INTS8: variants seen among roughly 807,000 people sequenced by gnomAD.
INTS8 encodes protein kaonashi-1.
A neutral mutation model predicts 138.9 loss-of-function variants in INTS8; 47 were observed. The observed-to-expected ratio is 0.34, with a 90% CI of 0.27 to 0.43. INTS8 has a LOEUF of 0.43. Ranked by LOEUF, INTS8 falls within the 20% of genes least tolerant of loss-of-function variation. The pLI, the probability that INTS8 is intolerant of heterozygous loss-of-function variation, is 1.00. For missense variants in INTS8, 996 were observed against 1,173.0 expected (o/e 0.85, Z 2.20); for synonymous variants, 392 against 400.9 (o/e 0.98, Z 0.27).
chr8:94,826,823 A>C (rs918749756), intron 2 of INTS8, among the ~76,000 whole-genome samples: 2 of 152,140 alleles, frequency 1.3e-5, no homozygotes, highest in Non-Finnish European at 2.9e-5. Context: ...TTTCGCATTT[A>C]AGCCGGGCAC....
intron 5 of INTS8, among the ~76,000 whole-genome samples, chr8:94,829,746 G>A (rs1238241046): frequency 1.3e-5 from 2 of 152,128 alleles, no homozygotes; most frequent in South Asian, 4.1e-4. Context: ...TTTAATAGTA[G>A]AGTACTACTG....
At position 94,832,130 on chromosome 8, in the gene INTS8, TCTA is replaced by T. The variant is rs777500986; in HGVS notation, c.712_714del (p.Thr238del). 2.3e-5 allele frequency: 37 copies of T among 1,613,394 alleles called. No individual in the cohort carries two copies. The highest frequency in any genetic ancestry group is 3.0e-5 in the Non-Finnish European group (35 of 1,179,874). On this transcript the variant is annotated inframe_deletion, in exon 6 of 27. Coordinates refer to ENST00000523731, the MANE Select transcript of INTS8 (RefSeq NM_017864.4). Reference sequence around the variant, plus strand: ...CATGGTAAATGGAGAAACTGAGAGTTCTACTGCTGGATTGAAAGTCAAAACCGA... The same window carrying T: ...CATGGTAAATGGAGAAACTGAGAGTTCTGCTGGATTGAAAGTCAAAACCGA...
chr8:94,843,460 G>A (rs1815212878), intron 10 of INTS8, among the ~76,000 whole-genome samples: 3 of 152,066 alleles, frequency 2.0e-5, no homozygotes. Context: ...CCAGCTACTT[G>A]GGAGGCTGAG....
At chr8:94,862,526 A>G (rs1816029359) in intron 16 of INTS8, among the ~76,000 whole-genome samples, 1 of 152,216 alleles carries the variant, frequency 6.6e-6, no homozygotes, top group Non-Finnish European at 1.5e-5. Context: ...GAGGGTCTGC[A>G]ATGTGTAAGG....
At chr8:94,829,399 G>A (rs540815603) in intron 5 of INTS8, among the ~76,000 whole-genome samples, 18 of 152,016 alleles carry the variant, frequency 1.2e-4, no homozygotes, top group East Asian at 3.9e-4. Flanking sequence ...GATCCCTCGC[G>A]TGTGTAGTTC....
chr8:94,881,734 A>G lies in INTS8; in HGVS notation c.*1500A>G. Reference sequence around the variant, plus strand: ...CCCCTTTTCTGAAGGTGTTTATGTAATTTACTTCCTCCTATACATGGGAAG... The same window carrying G: ...CCCCTTTTCTGAAGGTGTTTATGTAGTTTACTTCCTCCTATACATGGGAAG... On this transcript the variant is annotated 3_prime_UTR_variant, in exon 27 of 27. Coordinates refer to ENST00000523731, the MANE Select transcript of INTS8 (RefSeq NM_017864.4). The G allele has an allele frequency of 1.9e-6, 3 of 1,613,790 alleles. No homozygotes were observed. Among genetic ancestry groups the G allele is most frequent in the Non-Finnish European group, 2.5e-6 (3 of 1,179,830 alleles).
In INTS8 at chr8:94,852,793, G is replaced by A. The variant is rs531161006; in HGVS notation, c.1642-1012G>A. ...TAGTAGATACGGGTTTCTCCATGTTGTTCTCCATGTTGGTCAGGCTGGTCT... is the reference window on the plus strand; with the variant it reads ...TAGTAGATACGGGTTTCTCCATGTTATTCTCCATGTTGGTCAGGCTGGTCT... On this transcript the variant is annotated intron_variant, in intron 13 of 26. Transcript: ENST00000523731. Among the ~76,000 whole-genome samples the A allele has an allele frequency of 2.3e-3, 354 of 151,914 alleles. 1 individual carries two copies. Among genetic ancestry groups the A allele is most frequent in the African/African-American group, 8.1e-3 (337 of 41,444 alleles).
intron 6 of INTS8, 124 bp downstream of exon 6, chr8:94,832,298 A>T (rs1814749589): frequency 1.5e-6 from 1 of 663,810 alleles, no homozygotes; most frequent in South Asian, 2.0e-5. Context: ...TTAAAACTGC[A>T]TTGTATTTAA....
intron 14 of INTS8, among the ~76,000 whole-genome samples, chr8:94,856,155 G>A (rs1411740091): frequency 2.6e-5 from 4 of 152,232 alleles, no homozygotes; most frequent in Non-Finnish European, 5.9e-5. Flanking sequence ...CTGAGTTGAA[G>A]CCCCTAATTC....
At position 94,832,287 on chromosome 8, in the gene INTS8, A is replaced by G. The variant is rs544919905; in HGVS notation, c.753+113A>G. 135 of 722,660 alleles carry G rather than the reference A, an allele frequency of 1.9e-4. 1 individual carries two copies. The South Asian group carries it at 2.0e-3, about 11-fold the overall frequency. The allele number at this position is 722,660 out of a possible 1,614,324, so 44.8% of individuals were successfully genotyped here. A position where few individuals can be genotyped will look rare whatever the true frequency, so the allele number is the denominator to read the frequency against. On this transcript the variant is annotated intron_variant, in intron 6 of 26. Transcript: ENST00000523731. ...TTCTGCCTTTGTCTCTTAAGATGCTATTAAAACTGCATTGTATTTAATTTA... is the reference window on the plus strand; with the variant it reads ...TTCTGCCTTTGTCTCTTAAGATGCTGTTAAAACTGCATTGTATTTAATTTA...
At chr8:94,863,164 G>A (rs111922816) in intron 16 of INTS8, among the ~76,000 whole-genome samples, 2,330 of 152,292 alleles carry the variant, frequency 0.015, 60 homozygotes, top group African/African-American at 0.053. Context: ...GGTAGTAGTG[G>A]GGGGTTGGCA....
chr8:94,857,082 T>C (rs1815777236), intron 15 of INTS8, 104 bp downstream of exon 15: 1 of 946,774 alleles, frequency 1.1e-6, no homozygotes. Context: ...TTTTTTTTTT[T>C]TTTTTTTTGA....
At chr8:94,846,123 G>A (rs1452509957) in intron 10 of INTS8, among the ~76,000 whole-genome samples, 2 of 152,014 alleles carry the variant, frequency 1.3e-5, no homozygotes, top group Non-Finnish European at 2.9e-5. Context: ...TTGATACAGA[G>A]GTATAATTTA....
chr8:94,853,872 T>G lies in INTS8; in HGVS notation c.1709T>G (p.Val570Gly). Residue 570 changes from valine to glycine, a missense_variant, in exon 14 of 27, where the codon GTT (valine) becomes GGT (glycine). Transcript: ENST00000523731. ...AAAGACAATTTAACAAGAGATTTGG[T>G]TTATATTCTTATGGCCAAAGGTTTG... ...GIKDNLTRDL[V>G]YILMAKGLHC... is the part of the protein sequence containing the mutation. The G allele has an allele frequency of 6.2e-7, 1 of 1,610,440 alleles. No homozygotes were observed. Among genetic ancestry groups the G allele is most frequent in the Non-Finnish European group, 8.5e-7 (1 of 1,176,664 alleles).
chr8:94,835,569 C>T (rs1814893324), intron 6 of INTS8, among the ~76,000 whole-genome samples: 2 of 151,910 alleles, frequency 1.3e-5, no homozygotes, highest in South Asian at 2.1e-4. Flanking sequence ...AGAAAATTCC[C>T]GATCTTTTCA....
chr8:94,836,162 G>T (rs914724540), intron 6 of INTS8, among the ~76,000 whole-genome samples: 2 of 152,128 alleles, frequency 1.3e-5, no homozygotes, highest in Non-Finnish European at 2.9e-5. Flanking sequence ...GGTCTGGTCC[G>T]GGTGGCTATG....
intron 15 of INTS8, among the ~76,000 whole-genome samples, chr8:94,857,700 T>C (rs1815803846): frequency 1.3e-5 from 2 of 152,190 alleles, no homozygotes; most frequent in African/African-American, 4.8e-5. Context: ...TGTCTTCACA[T>C]GGCCTTCCCC....
chr8:94,856,701 GCT>G (rs1276860634), intron 14 of INTS8, 74 bp from the exon 15 acceptor site: 1 of 1,158,414 alleles, frequency 8.6e-7, no homozygotes, highest in Non-Finnish European at 1.3e-6. Context: ...TCTCCTCTTT[GCT>G]CTGTCAACAT....
chr8:94,859,544 G>A lies in INTS8; in HGVS notation c.1988G>A (p.Cys663Tyr), dbSNP rs143136353. 1.2e-6 allele frequency: 2 copies of A among 1,613,380 alleles called. No individual in the cohort carries two copies. The highest frequency in any genetic ancestry group is 1.3e-5 in the African/African-American group (1 of 75,028). Residue 663 changes from cysteine (C) to tyrosine (Y), a missense_variant, in exon 16 of 27, where the codon TGT becomes TAT. Coordinates refer to ENST00000523731, the MANE Select transcript of INTS8 (RefSeq NM_017864.4). ...CTTCGTCAAGTTATAGCTGAGGAAT[G>A]TGTTGCCTTTATGTTAAACTGGAGA... is the stretch of plus-strand genomic sequence containing the variant. Reference protein sequence around the residue: ...IPLRQVIAEECVAFMLNWREN... With the variant: ...IPLRQVIAEEYVAFMLNWREN...
Sources: allele counts gnomAD v4.1 joint callset (sites outside exome capture counted in the v4.1 genomes callset), GRCh38; gene constraint gnomAD v4.1.1; transcripts MANE v1.5; gene names NCBI Gene and HGNC (gene_info 2026-07-23, HGNC 2026-07-21).